The following NFYC variants were observed in gnomAD, a reference collection of about 807,000 sequenced individuals.
The protein encoded by NFYC is nuclear transcription factor Y subunit gamma.
A neutral mutation model predicts 53.1 loss-of-function variants in NFYC; 25 were observed. The observed-to-expected ratio is 0.47, with a 90% confidence interval of 0.34 to 0.66. NFYC has a LOEUF of 0.66. NFYC is among the 30% of genes least tolerant of loss of function. The probability of loss-of-function intolerance (pLI) is 0.01; values close to 1 mark genes in which losing one functional copy is unlikely to be tolerated. For missense variants in NFYC, 260 were observed against 422.7 expected (o/e 0.62, Z 3.38); for synonymous variants, 145 against 152.6 (o/e 0.95, Z 0.37).
chr1:40,726,152 CTGTTGCTCAGGCTGGAGTGCAG>C, intron 1 of NFYC, among the ~76,000 whole-genome samples: 1 of 151,538 alleles, frequency 6.6e-6, no homozygotes, highest in South Asian at 2.1e-4. Context: ...AGTTTCGCTC[CTGTTGCTCAGGCTGGAGTGCAG>C]TGGCGCCATC....
intron 1 of NFYC, among the ~76,000 whole-genome samples, chr1:40,693,101 G>T (rs1048076138): frequency 1.3e-5 from 2 of 152,104 alleles, no homozygotes; most frequent in Non-Finnish European, 2.9e-5. Flanking sequence ...TTGTATATGT[G>T]CCTAAAAAGT....
chr1:40,717,309 GTTTTC>G (rs1014412804), intron 1 of NFYC, among the ~76,000 whole-genome samples: 2 of 152,098 alleles, frequency 1.3e-5, no homozygotes, highest in Non-Finnish European at 2.9e-5. Flanking sequence ...GCACACCCCT[GTTTTC>G]TGAGTGTGCA....
chr1:40,759,380 C>G (rs558667745), intron 6 of NFYC, among the ~76,000 whole-genome samples: 1 of 152,030 alleles, frequency 6.6e-6, no homozygotes, highest in Non-Finnish European at 1.5e-5. Flanking sequence ...ACCAGAACAT[C>G]AGAACATTAG....
In NFYC at chr1:40,770,539, G is replaced by C. The variant is rs1425736468; in HGVS notation, c.889-170G>C. ...CCCTCACACCGGGCTGGTGCCTCCTGTGTCTGCTGCTCCCAACCCCAGCAG... is the reference window on the plus strand; with the variant it reads ...CCCTCACACCGGGCTGGTGCCTCCTCTGTCTGCTGCTCCCAACCCCAGCAG... On this transcript the variant is annotated intron_variant, in intron 9 of 9. Transcript: ENST00000447388. This position sits in a 1 kb window ranked among gnomAD's most constrained non-coding sequence, Gnocchi z 5.3. 1 of 1,571,698 alleles carries C rather than the reference G, an allele frequency of 6.4e-7. No homozygotes were observed. Among genetic ancestry groups the C allele is most frequent in the African/African-American group, 1.4e-5 (1 of 73,632 alleles).
At chr1:40,762,187 T>A (rs907043079) in intron 6 of NFYC, among the ~76,000 whole-genome samples, 8 of 152,142 alleles carry the variant, frequency 5.3e-5, no homozygotes, top group African/African-American at 1.7e-4. Flanking sequence ...AAAGTTAGAG[T>A]TCTTGCTTTC....
intron 1 of NFYC, among the ~76,000 whole-genome samples, chr1:40,733,005 T>A: frequency 8.2e-6 from 1 of 122,524 alleles, no homozygotes; most frequent in Non-Finnish European, 1.6e-5. Flanking sequence ...CTTTCCAAGA[T>A]TCGCCCCCCC....
chr1:40,769,215 C>T, intron 8 of NFYC, 141 bp from the exon 9 acceptor site: 1 of 768,100 alleles, frequency 1.3e-6, no homozygotes, highest in South Asian at 1.5e-5. Context: ...GGGGTGCTTG[C>T]TTGCTTACTA....
chr1:40,743,952 A>G (rs959204382), intron 2 of NFYC, among the ~76,000 whole-genome samples: 1 of 152,190 alleles, frequency 6.6e-6, no homozygotes, highest in Non-Finnish European at 1.5e-5. Context: ...CACTTGGATC[A>G]TAGTCACAAG....
intron 6 of NFYC, among the ~76,000 whole-genome samples, chr1:40,760,583 G>A (rs908327507): frequency 1.3e-5 from 2 of 152,080 alleles, no homozygotes; most frequent in Non-Finnish European, 2.9e-5. Flanking sequence ...GCCGGGCGTG[G>A]TGGCGGGCGC....
chr1:40,702,686 T>G (rs1570313672), intron 1 of NFYC, among the ~76,000 whole-genome samples: 1 of 152,230 alleles, frequency 6.6e-6, no homozygotes, highest in East Asian at 1.9e-4. Flanking sequence ...TGTGTGAACA[T>G]ATTTTTGTTT....
At chr1:40,728,407 G>T (rs1211714328) in intron 1 of NFYC, among the ~76,000 whole-genome samples, 2 of 151,958 alleles carry the variant, frequency 1.3e-5, no homozygotes, top group African/African-American at 4.8e-5. Flanking sequence ...GACCAGTCTG[G>T]CCAACGTGGC....
At position 40,753,176 on chromosome 1, in the gene NFYC, C is replaced by A. The variant is rs1487888294; in HGVS notation, c.317C>A (p.Thr106Lys). ...AGAAATGATATCGCCATGGCAATTA[C>A]AAAATTTGATCAGTTTGATTTTCTC... ...LQRNDIAMAITKFDQFDFLID... is the reference protein window; with the variant it reads ...LQRNDIAMAIKKFDQFDFLID... The change falls in exon 5 of 10, where the codon ACA becomes AAA. Residue 106 changes from threonine to lysine, a missense_variant. By Grantham distance (78) the Thr-to-Lys change is moderately conservative. Transcript: ENST00000447388. 6.2e-7 allele frequency: 1 copy of A among 1,613,510 alleles called. No individual in the cohort carries two copies. The highest frequency in any genetic ancestry group is 8.5e-7 in the Non-Finnish European group (1 of 1,179,674).
intron 4 of NFYC, among the ~76,000 whole-genome samples, chr1:40,751,452 C>T (rs1445429215): frequency 1.3e-5 from 2 of 152,170 alleles, no homozygotes; most frequent in Admixed American, 6.5e-5. Context: ...GTGGCCTAGG[C>T]TGGAGTGCAG....
rs1256934078 is a variant in NFYC at position 40,722,723 on chromosome 1, G to C, written c.-8-16113G>C. Among the ~76,000 whole-genome samples, 5 of 152,222 alleles carry C rather than the reference G, an allele frequency of 3.3e-5. No homozygotes were observed. The East Asian group carries it at 9.6e-4, about 29-fold the overall frequency. ...AGATGAATAGAGAAGTTTCTAAGAA[G>C]TTAAGAGATTTGCTCAAGATCACAG... On this transcript the variant is annotated intron_variant, in intron 1 of 9. Transcript: ENST00000447388.
Position 40,716,672 on chromosome 1 carries a change from ATAGG to A in NFYC, c.-8-22160_-8-22157del, listed in dbSNP as rs778547062. 3.9e-5 allele frequency among the ~76,000 whole-genome samples: 6 copies of A among 152,166 alleles called. 1 individual carries two copies. Among genetic ancestry groups the A allele is most frequent in the South Asian group, 2.1e-4 (1 of 4,832 alleles). On this transcript the variant is annotated intron_variant, in intron 1 of 9. Transcript: ENST00000447388. ...TTATAGGATTATTAGGAGGTTTAAA[ATAGG>A]TAGTAACATAAAGGGCTTAGAATTG...
chr1:40,697,517 A>T (rs951058082), intron 1 of NFYC, among the ~76,000 whole-genome samples: 1 of 152,214 alleles, frequency 6.6e-6, no homozygotes, highest in Non-Finnish European at 1.5e-5. Flanking sequence ...CCAAGTGTTG[A>T]GTGGTAATGA....
At chr1:40,732,106 A>G (rs1008275219) in intron 1 of NFYC, among the ~76,000 whole-genome samples, 5 of 152,210 alleles carry the variant, frequency 3.3e-5, no homozygotes, top group African/African-American at 1.2e-4. Flanking sequence ...TTTCCCTTGG[A>G]CAGTTGTTGT....
chr1:40,759,816 G>A (rs535137000), intron 6 of NFYC, among the ~76,000 whole-genome samples: 2 of 152,212 alleles, frequency 1.3e-5, no homozygotes, highest in East Asian at 3.9e-4. Flanking sequence ...ACAGGGGGCC[G>A]TAGGAAAGTA....
At chr1:40,763,861 A>T (rs1646688699) in intron 7 of NFYC, among the ~76,000 whole-genome samples, 1 of 152,208 alleles carries the variant, frequency 6.6e-6, no homozygotes, top group African/African-American at 2.4e-5. Flanking sequence ...CAAGGCCCAA[A>T]GGCCCTGTGA....
Sources: allele counts gnomAD v4.1 joint callset (sites outside exome capture counted in the v4.1 genomes callset), GRCh38; gene constraint gnomAD v4.1.1; non-coding constraint Gnocchi (gnomAD v3.1); transcripts MANE v1.5; gene names NCBI Gene and HGNC (gene_info 2026-07-23, HGNC 2026-07-21).